DGCR2: variants seen among roughly 807,000 people sequenced by gnomAD.
DGCR2 encodes the protein DiGeorge syndrome critical region gene 2.
In DGCR2, 24 loss-of-function variants were observed where a neutral mutation model predicts 51.6. The observed-to-expected ratio is 0.47, with a 90% CI of 0.34 to 0.65. DGCR2 has a LOEUF of 0.65. Among genes scored for constraint, DGCR2 ranks in the 30% least tolerant of loss-of-function variants. The pLI is 0.01. For synonymous variants in DGCR2, 340 were observed against 315.4 expected, an observed-to-expected ratio of 1.08 and a Z score of -0.82; for missense variants, 765 against 772.1, an observed-to-expected ratio of 0.99 and a Z score of 0.11.
chr22:19,107,494 T>C (rs1222337710), intron 1 of DGCR2, among the ~76,000 whole-genome samples: 2 of 152,230 alleles, frequency 1.3e-5, no homozygotes, highest in African/African-American at 4.8e-5. Context: ...TATCTGTAGA[T>C]GCTGTCCAAC....
chr22:19,036,964 GCT>G lies in DGCR2; in HGVS notation c.*1899_*1900del, dbSNP rs1251650355. On this transcript the variant is annotated 3_prime_UTR_variant, in exon 10 of 10. Coordinates refer to ENST00000263196, the MANE Select transcript of DGCR2 (RefSeq NM_005137.3). ...CTGAGGCCTGGCAGGAATCCTCTGA[GCT>G]CTCAGGCTCAGGCCCGTGGGGGACT... The G allele has an allele frequency of 6.6e-6, 1 of 152,302 alleles. No individual in the cohort carries two copies. The highest frequency in any genetic ancestry group is 1.5e-5 in the Non-Finnish European group (1 of 68,146). The allele number at this position is 152,302 out of a possible 1,614,324, so 9.4% of individuals were successfully genotyped here.
chr22:19,089,253 C>T, intron 2 of DGCR2, 115 bp downstream of exon 2: 1 of 1,223,394 alleles, frequency 8.2e-7, no homozygotes, highest in Non-Finnish European at 1.1e-6. Flanking sequence ...TCGGCTCAAA[C>T]TAACTTTCCA....
intron 1 of DGCR2, among the ~76,000 whole-genome samples, chr22:19,118,917 T>C (rs891901465): frequency 8.5e-5 from 13 of 152,282 alleles, no homozygotes; most frequent in African/African-American, 2.9e-4. Context: ...CCCCCCACCA[T>C]CTCGCTGTCA....
intron 1 of DGCR2, among the ~76,000 whole-genome samples, chr22:19,120,116 C>A (rs577992160): frequency 1.1e-4 from 17 of 152,296 alleles, no homozygotes; most frequent in Non-Finnish European, 1.9e-4. Flanking sequence ...GGCCCAGAGG[C>A]CTGCCCTCCC....
chr22:19,084,857 C>G (rs1426764262), intron 2 of DGCR2, among the ~76,000 whole-genome samples: 1 of 151,620 alleles, frequency 6.6e-6, no homozygotes, highest in Non-Finnish European at 1.5e-5. Flanking sequence ...AGGTGGGGGG[C>G]GCCTCTGCCC....
At chr22:19,040,105 C>A (rs1412554654) in intron 9 of DGCR2, among the ~76,000 whole-genome samples, 1 of 152,224 alleles carries the variant, frequency 6.6e-6, no homozygotes, top group Non-Finnish European at 1.5e-5. Context: ...TCACAGCCCC[C>A]ACCCTGCTCT....
chr22:19,122,023 A>C, intron 1 of DGCR2, 105 bp downstream of exon 1: 24 of 633,280 alleles, frequency 3.8e-5, no homozygotes, highest in Non-Finnish European at 2.8e-5. Flanking sequence ...CCCCTGCCCC[A>C]GGCGCGGCCC....
chr22:19,106,765 CAG>C (rs1404799221), intron 1 of DGCR2, among the ~76,000 whole-genome samples: 1 of 152,154 alleles, frequency 6.6e-6, no homozygotes, highest in Non-Finnish European at 1.5e-5. Context: ...GAATGGGCAT[CAG>C]AGGTCAGGCT....
At chr22:19,051,959 G>A (rs1049151190) in intron 6 of DGCR2, among the ~76,000 whole-genome samples, 2 of 152,182 alleles carry the variant, frequency 1.3e-5, no homozygotes, top group African/African-American at 4.8e-5. Context: ...AGGATATGGA[G>A]AAATTAAATC....
chr22:19,041,607 C>T, intron 8 of DGCR2, 200 bp downstream of exon 8: 1 of 662,872 alleles, frequency 1.5e-6, no homozygotes, highest in South Asian at 2.0e-5. Context: ...CCGAGTTCTG[C>T]CCACCCTGTG....
At chr22:19,078,452 C>CT (rs1324048693) in intron 2 of DGCR2, among the ~76,000 whole-genome samples, 4 of 152,138 alleles carry the variant, frequency 2.6e-5, no homozygotes, top group African/African-American at 9.7e-5. Flanking sequence ...TTTATTAGTT[C>CT]TAACCATGTT....
chr22:19,039,596 G>A (rs540912390), intron 9 of DGCR2, among the ~76,000 whole-genome samples: 106 of 152,312 alleles, frequency 7.0e-4, no homozygotes, highest in African/African-American at 2.4e-3. Flanking sequence ...CCGGAGTGTG[G>A]GCAACAGGGC....
chr22:19,084,974 T>G (rs2146004689), intron 2 of DGCR2, among the ~76,000 whole-genome samples: 1 of 152,176 alleles, frequency 6.6e-6, no homozygotes, highest in South Asian at 2.1e-4. Context: ...AATGGTGGTT[T>G]TGTGGAATAG....
intron 1 of DGCR2, among the ~76,000 whole-genome samples, chr22:19,109,484 A>G (rs1052521645): frequency 7.2e-5 from 11 of 152,374 alleles, no homozygotes; most frequent in African/African-American, 2.4e-4. Flanking sequence ...CACATGCTAC[A>G]ACATGGATGA....
chr22:19,117,563 T>C (rs1411886875), intron 1 of DGCR2, among the ~76,000 whole-genome samples: 2 of 152,224 alleles, frequency 1.3e-5, no homozygotes, highest in African/African-American at 4.8e-5. Flanking sequence ...CCATGGCGCA[T>C]ACAACTTATT....
At chr22:19,067,919 A>G (rs1440625370) in intron 3 of DGCR2, among the ~76,000 whole-genome samples, 181 bp downstream of exon 3, 2 of 152,014 alleles carry the variant, frequency 1.3e-5, no homozygotes, top group Non-Finnish European at 2.9e-5. Context: ...TGAGTCACAT[A>G]CCACCACTCC....
chr22:19,093,691 A>C (rs1268599533), intron 1 of DGCR2, among the ~76,000 whole-genome samples: 2 of 152,228 alleles, frequency 1.3e-5, no homozygotes, highest in Non-Finnish European at 2.9e-5. Context: ...ATAAGAAAAC[A>C]ACCCAATTTT....
chr22:19,056,971 C>T lies in DGCR2; in HGVS notation c.802+15G>A. 2 of 1,565,810 alleles carry T rather than the reference C, an allele frequency of 1.3e-6. No homozygotes were observed. Among genetic ancestry groups the T allele is most frequent in the Non-Finnish European group, 1.7e-6 (2 of 1,154,160 alleles). On this transcript the variant is annotated intron_variant, in intron 6 of 9. Coordinates refer to ENST00000263196, the MANE Select transcript of DGCR2 (RefSeq NM_005137.3). ...CCCAGACATTCCCCAAGAACGCCAGCTCAAGGGGGCTTACTTCTTTTACAC... is the reference window on the plus strand; with the variant it reads ...CCCAGACATTCCCCAAGAACGCCAGTTCAAGGGGGCTTACTTCTTTTACAC...
chr22:19,063,620 A>T (rs1415108169), intron 4 of DGCR2, among the ~76,000 whole-genome samples: 1 of 149,652 alleles, frequency 6.7e-6, no homozygotes, highest in Non-Finnish European at 1.5e-5. Flanking sequence ...AAGTGCTGGG[A>T]TTGTTTTTTA....
Sources: gnomAD v4.1 joint callset for allele counts (sites outside exome capture counted in the v4.1 genomes callset) on GRCh38, gnomAD v4.1.1 for gene constraint, MANE v1.5 for transcripts, NCBI Gene and HGNC (gene_info 2026-07-23, HGNC 2026-07-21) for gene names.